Variants in EPHA3 observed in about 807,000 individuals in gnomAD.
EPHA3 encodes ephrin type-A receptor 3.
A neutral mutation model predicts 107.1 loss-of-function variants in EPHA3; 42 were observed. The observed-to-expected ratio is 0.39, with a 90% CI of 0.31 to 0.51. EPHA3 has a LOEUF of 0.51. Ranked by LOEUF, EPHA3 falls within the 20% of genes least tolerant of loss-of-function variation. EPHA3 has a pLI of 0.78. For missense variants in EPHA3, 1,183 were observed against 1,211.2 expected, an observed-to-expected ratio of 0.98 and a Z score of 0.35; for synonymous variants, 461 against 424.8, an observed-to-expected ratio of 1.09 and a Z score of -1.05.
chr3:89,211,742 CCTTCTTCTT>C (rs1206791496), intron 3 of EPHA3, among the ~76,000 whole-genome samples: 1,206 of 19,314 alleles, frequency 0.062, 12 homozygotes, highest in Middle Eastern at 0.13. Context: ...TTCTTCTTCT[CCTTCTTCTT>C]CTTCTTCTTC....
intron 11 of EPHA3, among the ~76,000 whole-genome samples, chr3:89,425,627 AAC>A (rs1215974001): frequency 1.3e-5 from 2 of 151,544 alleles, no homozygotes; most frequent in Non-Finnish European, 1.5e-5. Context: ...ATATCTGATA[AAC>A]AGTTTGTTTG....
At chr3:89,220,744 A>G (rs1704352666) in intron 3 of EPHA3, among the ~76,000 whole-genome samples, 1 of 152,210 alleles carries the variant, frequency 6.6e-6, no homozygotes, top group South Asian at 2.1e-4. Context: ...ACAAAAAATG[A>G]CAGGTAGATG....
At position 89,368,568 on chromosome 3, in the gene EPHA3, G is replaced by A. The variant is rs112146580; in HGVS notation, c.1306+26478G>A. On this transcript the variant is annotated intron_variant, in intron 5 of 16. Coordinates refer to ENST00000336596, the MANE Select transcript of EPHA3 (RefSeq NM_005233.6). ...AAGTCCAAGGCCTGAAAACTGGAGG[G>A]TCTGATATTGTAATTCTTAGAATTA... is the stretch of plus-strand genomic sequence containing the variant. 2.0e-5 allele frequency among the ~76,000 whole-genome samples: 3 copies of A among 150,512 alleles called. No homozygotes were observed. The South Asian group carries it at 6.3e-4, about 32-fold the overall frequency.
rs76852006 is a variant in EPHA3 at position 89,304,645 on chromosome 3, A to G, written c.815-36271A>G. 8.5e-5 allele frequency among the ~76,000 whole-genome samples: 13 copies of G among 152,236 alleles called. No individual in the cohort carries two copies. In the East Asian group the frequency reaches 2.5e-3, roughly 29 times the overall value. ...AGCTGACTTTTATTCAAAATATTCC[A>G]TTCACATATCCCTTCTTTATCTTCC... On this transcript the variant is annotated intron_variant, in intron 3 of 16. Transcript: ENST00000336596.
At chr3:89,160,282 T>C (rs751560051) in intron 2 of EPHA3, among the ~76,000 whole-genome samples, 42 of 152,036 alleles carry the variant, frequency 2.8e-4, no homozygotes, top group Non-Finnish European at 5.7e-4. Context: ...GTATGCTATG[T>C]TAAAGTTTGA....
chr3:89,281,267 C>A (rs2107314851), intron 3 of EPHA3, among the ~76,000 whole-genome samples: 1 of 152,254 alleles, frequency 6.6e-6, no homozygotes, highest in South Asian at 2.1e-4. Flanking sequence ...TCAGGCAAAC[C>A]ACCTGCCTTG....
intron 3 of EPHA3, among the ~76,000 whole-genome samples, chr3:89,238,791 G>A (rs1373534887): frequency 6.6e-6 from 1 of 152,034 alleles, no homozygotes; most frequent in African/African-American, 2.4e-5. Flanking sequence ...CCAAATACTT[G>A]TAAAACAATA....
chr3:89,366,750 T>C (rs1559666778), intron 5 of EPHA3, among the ~76,000 whole-genome samples: 1 of 150,732 alleles, frequency 6.6e-6, no homozygotes, highest in African/African-American at 2.4e-5. Context: ...TACTCTGTTT[T>C]TGCCCTCTCA....
intron 5 of EPHA3, among the ~76,000 whole-genome samples, chr3:89,388,760 TCTG>T (rs1417254791): frequency 1.3e-5 from 2 of 152,230 alleles, no homozygotes; most frequent in African/African-American, 4.8e-5. Context: ...CTAAGAGTTA[TCTG>T]CTATCATCTT....
Position 89,210,398 on chromosome 3 carries a change from T to G in EPHA3, c.692T>G (p.Val231Gly). 1 of 1,613,792 alleles carries G rather than the reference T, an allele frequency of 6.2e-7. No homozygotes were observed. Among genetic ancestry groups the G allele is most frequent in the Non-Finnish European group, 8.5e-7 (1 of 1,179,890 alleles). Residue 231 changes from valine to glycine, a missense_variant, in exon 3 of 17, where the codon GTC (valine) becomes GGC (glycine). By Grantham distance (109) the Val-to-Gly change is moderately radical. Coordinates refer to ENST00000336596, the MANE Select transcript of EPHA3 (RefSeq NM_005233.6). ...CTGGTGGAGGTTAGAGGGTCTTGTG[T>G]CAACAATTCTAAGGAGGAAGATCCT... ...QSLVEVRGSC[V>G]NNSKEEDPPR... is the part of the protein sequence containing the mutation.
chr3:89,418,074 A>G (rs986394253), intron 10 of EPHA3, among the ~76,000 whole-genome samples: 2 of 151,404 alleles, frequency 1.3e-5, no homozygotes, highest in Non-Finnish European at 3.0e-5. Flanking sequence ...GAAGAATCAT[A>G]TCACTTCAAT....
At chr3:89,420,363 C>T (rs886331646) in intron 11 of EPHA3, among the ~76,000 whole-genome samples, 15 of 151,330 alleles carry the variant, frequency 9.9e-5, no homozygotes, top group African/African-American at 2.9e-4. Context: ...ACTAAAAAGG[C>T]ATTTCCTTCC....
At position 89,427,440 on chromosome 3, in the gene EPHA3, G is replaced by T. The variant is rs1354471212; in HGVS notation, c.2075-1666G>T. 3.3e-5 allele frequency among the ~76,000 whole-genome samples: 5 copies of T among 151,826 alleles called. No homozygotes were observed. In the South Asian group the frequency reaches 8.3e-4, roughly 25 times the overall value. On this transcript the variant is annotated intron_variant, in intron 11 of 16. Coordinates refer to ENST00000336596, the MANE Select transcript of EPHA3 (RefSeq NM_005233.6). ...ATAAATAAGACACATAGGAGGAAAAGTTGTGTTATACAGTTATGTGTACAT... is the reference window on the plus strand; with the variant it reads ...ATAAATAAGACACATAGGAGGAAAATTTGTGTTATACAGTTATGTGTACAT...
intron 2 of EPHA3, among the ~76,000 whole-genome samples, chr3:89,194,438 T>A (rs1036823785): frequency 6.6e-6 from 1 of 152,018 alleles, no homozygotes; most frequent in African/African-American, 2.4e-5. Context: ...AGTAAGAAGA[T>A]CTGGTCTAGG....
chr3:89,252,693 G>A (rs1347777439), intron 3 of EPHA3, among the ~76,000 whole-genome samples: 1 of 152,024 alleles, frequency 6.6e-6, no homozygotes, highest in East Asian at 1.9e-4. Context: ...TTATGCCACT[G>A]TACTCCATTG....
intron 1 of EPHA3, among the ~76,000 whole-genome samples, chr3:89,113,955 ACTAGAAGCC>A (rs1707187911): frequency 6.6e-6 from 1 of 152,156 alleles, no homozygotes; most frequent in Admixed American, 6.5e-5. Flanking sequence ...ATGTTATTAA[ACTAGAAGCC>A]CTGAGTGTGA....
intron 13 of EPHA3, among the ~76,000 whole-genome samples, chr3:89,440,665 G>A (rs144551667): frequency 7.2e-5 from 11 of 152,308 alleles, no homozygotes; most frequent in Admixed American, 2.6e-4. Context: ...CAGGGTTACC[G>A]TGTGATTCCT....
At chr3:89,446,915 T>C (rs534185320) in intron 13 of EPHA3, among the ~76,000 whole-genome samples, 31 of 152,252 alleles carry the variant, frequency 2.0e-4, no homozygotes, top group African/African-American at 6.7e-4. Flanking sequence ...AGATATTTAA[T>C]TGAGATTTTT....
At chr3:89,258,697 C>T (rs1379664205) in intron 3 of EPHA3, among the ~76,000 whole-genome samples, 1 of 152,170 alleles carries the variant, frequency 6.6e-6, no homozygotes, top group East Asian at 1.9e-4. Flanking sequence ...ACATACATTA[C>T]ATATAATATA....
Sources: gnomAD v4.1 joint callset for allele counts (sites outside exome capture counted in the v4.1 genomes callset) on GRCh38, gnomAD v4.1.1 for gene constraint, MANE v1.5 for transcripts, NCBI Gene and HGNC (gene_info 2026-07-23, HGNC 2026-07-21) for gene names.